The following VCL variants were observed in gnomAD, a reference collection of about 807,000 sequenced individuals.
VCL encodes epididymis luminal protein 114.
VCL carries 47 observed loss-of-function variants against 125.7 expected under a neutral mutation model. The observed-to-expected ratio is 0.37, with a 90% CI of 0.30 to 0.48. VCL has a LOEUF of 0.48. Among genes scored for constraint, VCL ranks in the 20% least tolerant of loss-of-function variants. The probability of loss-of-function intolerance (pLI) is 0.99; values close to 1 mark genes in which losing one functional copy is unlikely to be tolerated. For synonymous variants in VCL, 458 were observed against 514.6 expected, an observed-to-expected ratio of 0.89 and a Z score of 1.49; for missense variants, 1,069 against 1,455.5, an observed-to-expected ratio of 0.73 and a Z score of 4.32.
chr10:74,013,010 C>T (rs576032833), intron 1 of VCL, among the ~76,000 whole-genome samples: 1 of 152,172 alleles, frequency 6.6e-6, no homozygotes, highest in Non-Finnish European at 1.5e-5. Flanking sequence ...TAACATATCT[C>T]CCCACCAGAG....
chr10:74,118,426 C>T lies in VCL; in HGVS notation c.*257C>T. The stretch of plus-strand genomic sequence containing the variant: ...TGCACCCTCTATCCCAATAGGCAGA[C>T]TGGGTTTCTAGCCCATGGACTTCAC... On this transcript the variant is annotated 3_prime_UTR_variant, in exon 22 of 22. Coordinates refer to ENST00000211998, the MANE Select transcript of VCL (RefSeq NM_014000.3). 1 of 500,420 alleles carries T rather than the reference C, an allele frequency of 2.0e-6. No individual in the cohort carries two copies. The highest frequency in any genetic ancestry group is 3.9e-5 in the East Asian group (1 of 25,726). 31.0% of individuals were successfully genotyped at this position (500,420 alleles called of 1,614,324 possible).
intron 2 of VCL, among the ~76,000 whole-genome samples, chr10:74,058,741 C>A (rs1313780559): frequency 6.6e-6 from 1 of 152,154 alleles, no homozygotes; most frequent in Non-Finnish European, 1.5e-5. Flanking sequence ...GGCCACTAAA[C>A]CAGTGAGCTG....
chr10:74,087,346 T>C (rs1017554354), intron 8 of VCL, among the ~76,000 whole-genome samples: 102 of 146,368 alleles, frequency 7.0e-4, no homozygotes, highest in African/African-American at 2.3e-3. Flanking sequence ...TTTCTTTTTT[T>C]TTTTTTTTTC....
At chr10:74,027,224 A>T (rs1840788310) in intron 1 of VCL, among the ~76,000 whole-genome samples, 3 of 152,180 alleles carry the variant, frequency 2.0e-5, no homozygotes, top group African/African-American at 7.2e-5. Context: ...CTTTTAAAAA[A>T]TAATTACATA....
intron 16 of VCL, among the ~76,000 whole-genome samples, chr10:74,106,009 C>T (rs1002616516): frequency 5.9e-5 from 9 of 151,512 alleles, no homozygotes; most frequent in African/African-American, 1.5e-4. Flanking sequence ...CCTCCGCCCC[C>T]GCCTGGATTC....
At chr10:74,000,758 C>T (rs1015627058) in intron 1 of VCL, among the ~76,000 whole-genome samples, 1 of 152,018 alleles carries the variant, frequency 6.6e-6, no homozygotes, top group Admixed American at 6.6e-5. Flanking sequence ...TTGTGATATA[C>T]GGCCTTAGTT....
At chr10:74,085,781 T>C (rs1839760681) in intron 8 of VCL, among the ~76,000 whole-genome samples, 1 of 152,194 alleles carries the variant, frequency 6.6e-6, no homozygotes, top group Non-Finnish European at 1.5e-5. Context: ...AACACTCCTC[T>C]ACATGCAGTG....
chr10:74,001,492 C>T (rs1840224101), intron 1 of VCL, among the ~76,000 whole-genome samples: 2 of 152,046 alleles, frequency 1.3e-5, no homozygotes, highest in Non-Finnish European at 2.9e-5. Flanking sequence ...TCCTCAGTTC[C>T]TGCCCTCAAA....
chr10:74,118,418 T>C lies in VCL; in HGVS notation c.*249T>C, dbSNP rs143302346. 7.8e-6 allele frequency: 4 copies of C among 512,996 alleles called. No homozygotes were observed. Among genetic ancestry groups the C allele is most frequent in the East Asian group, 7.5e-5 (2 of 26,624 alleles). The allele number at this position is 512,996 out of a possible 1,614,324, so 31.8% of individuals were successfully genotyped here. On this transcript the variant is annotated 3_prime_UTR_variant, in exon 22 of 22. Coordinates refer to ENST00000211998, the MANE Select transcript of VCL (RefSeq NM_014000.3). ...TACACTTGTGCACCCTCTATCCCAA[T>C]AGGCAGACTGGGTTTCTAGCCCATG...
At chr10:74,023,715 A>G (rs1467180575) in intron 1 of VCL, among the ~76,000 whole-genome samples, 4 of 152,022 alleles carry the variant, frequency 2.6e-5, no homozygotes, top group South Asian at 4.1e-4. Context: ...TAACATTTCT[A>G]TAAAAGTCTT....
intron 13 of VCL, among the ~76,000 whole-genome samples, chr10:74,099,292 C>T (rs1372133335): frequency 1.3e-5 from 2 of 152,170 alleles, no homozygotes; most frequent in African/African-American, 4.8e-5. Flanking sequence ...CTAGCTATAC[C>T]TAGTTGCTTG....
At chr10:74,101,557 T>A (rs868415473) in intron 14 of VCL, among the ~76,000 whole-genome samples, 2,280 of 141,926 alleles carry the variant, frequency 0.016, 75 homozygotes, top group African/African-American at 0.058. Context: ...TTTTTTTTTT[T>A]TTTTTTTTTG....
chr10:74,085,518 A>G (rs1179917167), intron 8 of VCL, among the ~76,000 whole-genome samples: 1 of 152,196 alleles, frequency 6.6e-6, no homozygotes, highest in Non-Finnish European at 1.5e-5. Flanking sequence ...TTACCCTCCT[A>G]AAGCCTTGGC....
chr10:74,049,818 G>A (rs1841266142), intron 2 of VCL, among the ~76,000 whole-genome samples: 1 of 152,188 alleles, frequency 6.6e-6, no homozygotes, highest in African/African-American at 2.4e-5. Flanking sequence ...AGGAATAGTA[G>A]GTGCTAATGT....
At chr10:74,078,316 A>G (rs1026245777) in intron 6 of VCL, among the ~76,000 whole-genome samples, 3 of 152,168 alleles carry the variant, frequency 2.0e-5, no homozygotes, top group African/African-American at 7.2e-5. Context: ...TATACAGAAG[A>G]TTAGCAAACT....
intron 1 of VCL, among the ~76,000 whole-genome samples, chr10:74,042,531 ATTCT>A (rs1183284034): frequency 1.3e-5 from 2 of 152,196 alleles, no homozygotes; most frequent in Non-Finnish European, 2.9e-5. Context: ...AGCATTATAT[ATTCT>A]TTCTTTTTAA....
At chr10:74,112,245 C>A in intron 19 of VCL, 133 bp downstream of exon 19, 1 of 1,164,450 alleles carries the variant, frequency 8.6e-7, no homozygotes, top group Non-Finnish European at 1.2e-6. Context: ...CTGTCTGCAC[C>A]ATGTTGTTAG....
At chr10:74,058,588 C>CA (rs908900042) in intron 2 of VCL, among the ~76,000 whole-genome samples, 6 of 143,122 alleles carry the variant, frequency 4.2e-5, no homozygotes, top group Non-Finnish European at 7.7e-5. Flanking sequence ...TCCTCCCCAA[C>CA]TTTTTTTTTT....
chr10:74,116,634 C>T (rs962848849), intron 21 of VCL, among the ~76,000 whole-genome samples: 3 of 150,172 alleles, frequency 2.0e-5, no homozygotes, highest in African/African-American at 7.4e-5. Flanking sequence ...TGCAGTGAGC[C>T]GAGATCGTGC....
Sources: gnomAD v4.1 joint callset for allele counts (sites outside exome capture counted in the v4.1 genomes callset) on GRCh38, gnomAD v4.1.1 for gene constraint, MANE v1.5 for transcripts, NCBI Gene and HGNC (gene_info 2026-07-23, HGNC 2026-07-21) for gene names.